The following OBSL1 variants were observed in gnomAD, a reference collection of about 807,000 sequenced individuals.
OBSL1 encodes the protein obscurin like cytoskeletal adaptor 1.
Under a neutral mutation model 172.0 loss-of-function variants are expected in OBSL1, and 160 were observed. That is an observed-to-expected ratio of 0.93 (90% confidence interval 0.82 to 1.06). The LOEUF (loss-of-function observed/expected upper bound fraction) is 1.06, where lower values mean the gene tolerates loss of function less well. OBSL1 is among the 50% of genes least tolerant of loss of function. The probability of loss-of-function intolerance (pLI) is 0.00; values close to 1 mark genes in which losing one functional copy is unlikely to be tolerated. For synonymous variants in OBSL1, 1,200 were observed against 1,196.3 expected (o/e 1.00, Z -0.06); for missense variants, 2,681 against 2,715.4 (o/e 0.99, Z 0.28).
In OBSL1 at chr2:219,562,518, A is replaced by G; in HGVS notation, c.2837T>C (p.Leu946Pro). ...GCGGCGGACAGTGTCTTCCTTCTGC[A>G]GGAGCAGCGCGGGGCTCTCCACCAC... ...EEVVESPALL[L>P]QKEDTVRRLV... The change falls in exon 8 of 21, where the codon CTG becomes CCG. Residue 946 changes from leucine to proline, a missense_variant. Physicochemically the swap from Leu to Pro is moderately conservative, Grantham distance 98. Coordinates refer to ENST00000404537, the MANE Select transcript of OBSL1 (RefSeq NM_015311.3). 1.2e-6 allele frequency: 2 copies of G among 1,614,016 alleles called. No homozygotes were observed. The highest frequency in any genetic ancestry group is 1.7e-6 in the Non-Finnish European group (2 of 1,179,886).
At position 219,571,131 on chromosome 2, in the gene OBSL1, C is replaced by T. The variant is rs758512460; in HGVS notation, c.102G>A (p.Val34=). 2 of 1,484,606 alleles carry T rather than the reference C, an allele frequency of 1.3e-6. No homozygotes were observed. Among genetic ancestry groups the T allele is most frequent in the African/African-American group, 1.4e-5 (1 of 68,978 alleles). 92.0% of individuals were successfully genotyped at this position (1,484,606 alleles called of 1,614,324 possible). ...VSGAEAELKC[V]VLGEPPPVVV... ...CTACAGGCGGCGGCTCCCCCAGGAC[C>T]ACGCACTTGAGCTCGGCCTCGGCGC... The change falls in exon 1 of 21, where the codon GTG becomes GTA. Residue 34 remains valine, a synonymous_variant. Transcript: ENST00000404537.
chr2:219,567,185 TG>T, intron 4 of OBSL1, 59 bp from the exon 5 acceptor site: 8 of 1,577,476 alleles, frequency 5.1e-6, no homozygotes, highest in Non-Finnish European at 6.0e-6. Flanking sequence ...GGGCAGAGGC[TG>T]GCGGATGGCA....
At position 219,550,772 on chromosome 2, in the gene OBSL1, C is replaced by A. The variant is rs1286456029; in HGVS notation, c.*63G>T. On this transcript the variant is annotated 3_prime_UTR_variant, in exon 21 of 21. Transcript: ENST00000404537. Reference sequence around the variant, plus strand: ...TGTTCCTTGTCTCTCTACCCCTGCCCAGGGTAAGGGCAAACGCCTTCCAAG... The same window carrying A: ...TGTTCCTTGTCTCTCTACCCCTGCCAAGGGTAAGGGCAAACGCCTTCCAAG... 2.5e-6 allele frequency: 4 copies of A among 1,589,374 alleles called. No homozygotes were observed. The highest frequency in any genetic ancestry group is 3.4e-6 in the Non-Finnish European group (4 of 1,166,770).
intron 8 of OBSL1, chr2:219,561,778 CA>C (rs1696488029): frequency 1.5e-6 from 1 of 683,368 alleles, no homozygotes; most frequent in African/African-American, 1.8e-5. Flanking sequence ...CAAATGCCCA[CA>C]GGGGCCAGGT....
chr2:219,563,374 G>T lies in OBSL1; in HGVS notation c.2661C>A (p.Tyr887Ter). Reference protein sequence around the residue: ...FQCVAGDECAYFTVTITDVSS... With the variant: ...FQCVAGDECA The stretch of plus-strand genomic sequence containing the variant: ...CCCCACCTGTGATGGTGACAGTGAA[G>T]TAGGCACACTCATCTCCAGCGACGC... The change falls in exon 7 of 21, where the codon TAC becomes TAA. Residue 887 changes from tyrosine to a stop codon, truncating the protein, a stop_gained. Transcript: ENST00000404537. LOFTEE classifies it high-confidence loss of function. 6.3e-7 allele frequency: 1 copy of T among 1,588,020 alleles called. No individual in the cohort carries two copies. Among genetic ancestry groups the T allele is most frequent in the Non-Finnish European group, 8.6e-7 (1 of 1,164,604 alleles).
Position 219,567,505 on chromosome 2 carries a change from C to T in OBSL1, c.1605G>A (p.Leu535=), listed in dbSNP as rs777754560. 4.3e-6 allele frequency: 7 copies of T among 1,613,462 alleles called. No individual in the cohort carries two copies. The highest frequency in any genetic ancestry group is 2.2e-5 in the South Asian group (2 of 90,970). ...CTGGCTCGGGAGGCTTCCAGGTCAACAGGACCGTGTTCTTGTGGCCCTTGA... is the reference window on the plus strand; with the variant it reads ...CTGGCTCGGGAGGCTTCCAGGTCAATAGGACCGTGTTCTTGTGGCCCTTGA... ...EMFKGHKNTV[L]LTWKPPEPAP... is the part of the protein sequence containing the mutation. The change falls in exon 4 of 21, where the codon CTG becomes CTA. Residue 535 remains leucine (L), a synonymous_variant. Transcript: ENST00000404537.
rs1220610051 is a variant in OBSL1, at chr2:219,557,615, G to T, written c.3794C>A (p.Pro1265His). ...SLSFTVQVAE[P>H]PVRVVAPEAA... is the part of the protein sequence containing the mutation. ...CTCGGGAGCTACCACCCGCACAGGGGGCTCTGTGGAGTCAGAGCTGGAGGT... is the reference window on the plus strand; with the variant it reads ...CTCGGGAGCTACCACCCGCACAGGGTGCTCTGTGGAGTCAGAGCTGGAGGT... Residue 1265 changes from proline to histidine, a missense_variant, in exon 12 of 21, where the codon CCC (proline) becomes CAC (histidine). By Grantham distance (77) the Pro-to-His change is moderately conservative. This residue lies in a region of OBSL1 where 1,765 missense variants were observed against 1,748.3 expected (regional missense o/e 1.01). Transcript: ENST00000404537. 1 of 1,536,246 alleles carries T rather than the reference G, an allele frequency of 6.5e-7. No individual in the cohort carries two copies.
chr2:219,561,907 G>A lies in OBSL1; in HGVS notation c.2953+495C>T, dbSNP rs773248293. 4.3e-5 allele frequency: 31 copies of A among 717,340 alleles called. No individual in the cohort carries two copies. Among genetic ancestry groups the A allele is most frequent in the South Asian group, 1.3e-4 (9 of 67,588 alleles). The allele number at this position is 717,340 out of a possible 1,614,324, so 44.4% of individuals were successfully genotyped here. On this transcript the variant is annotated intron_variant, in intron 8 of 20. Coordinates refer to ENST00000404537, the MANE Select transcript of OBSL1 (RefSeq NM_015311.3). ...TGCTACTCAGTGCCAGCTGTTCGTCGCCATGGGGGGAAGCGGGACCAGAGC... is the reference window on the plus strand; with the variant it reads ...TGCTACTCAGTGCCAGCTGTTCGTCACCATGGGGGGAAGCGGGACCAGAGC...
In OBSL1 at chr2:219,571,148, C is replaced by A; in HGVS notation, c.85G>T (p.Ala29Ser). ...CCCAGGACCACGCACTTGAGCTCGG[C>A]CTCGGCGCCACTTACCACCCGCACA... ...RPVRVVSGAE[A>S]ELKCVVLGEP... The change falls in exon 1 of 21, where the codon GCC becomes TCC. Residue 29 changes from alanine to serine, a missense_variant. Transcript: ENST00000404537. 1 of 1,488,432 alleles carries A rather than the reference C, an allele frequency of 6.7e-7. No individual in the cohort carries two copies. The highest frequency in any genetic ancestry group is 2.8e-5 in the East Asian group (1 of 35,640). The allele number at this position is 1,488,432 out of a possible 1,614,324, so 92.2% of individuals were successfully genotyped here.
chr2:219,560,162 C>T (rs1254745504), intron 8 of OBSL1, among the ~76,000 whole-genome samples: 1 of 152,146 alleles, frequency 6.6e-6, no homozygotes, highest in African/African-American at 2.4e-5. Context: ...AGTGTTTTGT[C>T]CCCATTTTCC....
In OBSL1 at chr2:219,553,697, G is replaced by T. The variant is rs1360046997; in HGVS notation, c.4877-11C>A. ...TGGTCACTGGGACCTCTGGGGGTGG[G>T]AGAGGGAGGACAGTGCAGAGGGAGC... On this transcript the variant is annotated splice_polypyrimidine_tract_variant and intron_variant, in intron 15 of 20. Transcript: ENST00000404537. The T allele has an allele frequency of 2.5e-6, 4 of 1,600,814 alleles. No homozygotes were observed. The highest frequency in any genetic ancestry group is 3.4e-6 in the Non-Finnish European group (4 of 1,169,016).
At position 219,556,452 on chromosome 2, in the gene OBSL1, AC is replaced by A. The variant is rs1221279431; in HGVS notation, c.4336+1del. 2 of 1,613,518 alleles carry A rather than the reference AC, an allele frequency of 1.2e-6. No individual in the cohort carries two copies. Among genetic ancestry groups the A allele is most frequent in the African/African-American group, 2.7e-5 (2 of 74,836 alleles). On this transcript the variant is annotated splice_donor_variant, in intron 13 of 20. Coordinates refer to ENST00000404537, the MANE Select transcript of OBSL1 (RefSeq NM_015311.3). LOFTEE classifies it high-confidence loss of function. ...AGTATCTCATCCTCATCAGGACCTAACCTCGAACATGGAGCCGGGCACTTGT... is the reference window on the plus strand; with the variant it reads ...AGTATCTCATCCTCATCAGGACCTAACTCGAACATGGAGCCGGGCACTTGT...
At chr2:219,566,739 CA>C in intron 5 of OBSL1, 90 bp downstream of exon 5, 1 of 1,395,082 alleles carries the variant, frequency 7.2e-7, no homozygotes, top group South Asian at 1.5e-5. Flanking sequence ...GGCCCAGATA[CA>C]AGAAATAAAA....
At chr2:219,566,536 C>CT (rs974352645) in intron 5 of OBSL1, among the ~76,000 whole-genome samples, 1 of 152,200 alleles carries the variant, frequency 6.6e-6, no homozygotes, top group African/African-American at 2.4e-5. Flanking sequence ...CAGCCAGGGT[C>CT]TGTGTCTTTC....
intron 15 of OBSL1, 76 bp from the exon 16 acceptor site, chr2:219,553,762 A>G: frequency 1.0e-6 from 1 of 967,786 alleles, no homozygotes; most frequent in South Asian, 1.4e-5. Context: ...GAGGACATAC[A>G]CTTGGGCACA....
At chr2:219,555,875 T>G (rs1695959115) in intron 14 of OBSL1, 145 bp downstream of exon 14, 4 of 1,453,306 alleles carry the variant, frequency 2.8e-6, no homozygotes, top group South Asian at 3.4e-5. Flanking sequence ...AAGTTTTGCT[T>G]TGGGCAAGCT....
Position 219,556,463 on chromosome 2 carries a change from G to A in OBSL1, c.4327C>T (p.His1443Tyr), listed in dbSNP as rs935177481. Reference protein sequence around the residue: ...AGSTATSARLHVRETELLFLR... With the variant: ...AGSTATSARLYVRETELLFLR... ...CTCATCAGGACCTAACCTCGAACAT[G>A]GAGCCGGGCACTTGTGGCCGTGCTC... is the stretch of plus-strand genomic sequence containing the variant. Residue 1443 changes from histidine to tyrosine, a missense_variant, in exon 13 of 21, where the codon CAT becomes TAT. This residue lies in a region of OBSL1 where 1,765 missense variants were observed against 1,748.3 expected (regional missense o/e 1.01). Transcript: ENST00000404537. 1.2e-6 allele frequency: 2 copies of A among 1,613,686 alleles called. No individual in the cohort carries two copies. Among genetic ancestry groups the A allele is most frequent in the African/African-American group, 2.7e-5 (2 of 74,922 alleles).
At chr2:219,561,574 AGT>A (rs1696470002) in intron 8 of OBSL1, 3 of 368,296 alleles carry the variant, frequency 8.1e-6, no homozygotes, top group African/African-American at 6.2e-5. Context: ...CAGGCTGTGC[AGT>A]CCTAGAGGGA....
chr2:219,552,385 T>C, intron 18 of OBSL1, 151 bp downstream of exon 18: 1 of 672,788 alleles, frequency 1.5e-6, no homozygotes, highest in South Asian at 2.3e-5. Flanking sequence ...GACTAGGGGC[T>C]GGGGGCGGGG....
Sources: allele counts gnomAD v4.1 joint callset (sites outside exome capture counted in the v4.1 genomes callset), GRCh38; gene constraint gnomAD v4.1.1; regional missense constraint gnomAD v4.1.1; transcripts MANE v1.5; gene names NCBI Gene and HGNC (gene_info 2026-07-23, HGNC 2026-07-21).